STMN4: variants seen among roughly 807,000 people sequenced by gnomAD.
The protein encoded by STMN4 is stathmin-4.
A neutral mutation model predicts 29.1 loss-of-function variants in STMN4; 12 were observed. The observed-to-expected ratio is 0.41, with a 90% CI of 0.26 to 0.67. STMN4 has a LOEUF of 0.67. Ranked by LOEUF, STMN4 falls within the 30% of genes least tolerant of loss-of-function variation. STMN4 has a pLI of 0.30. For synonymous variants in STMN4, 114 were observed against 105.3 expected, an observed-to-expected ratio of 1.08 and a Z score of -0.51; for missense variants, 181 against 262.8, an observed-to-expected ratio of 0.69 and a Z score of 2.15.
At chr8:27,253,706 T>A (rs1160523868) in intron 1 of STMN4, among the ~76,000 whole-genome samples, 1 of 152,092 alleles carries the variant, frequency 6.6e-6, no homozygotes, top group African/African-American at 2.4e-5. Context: ...TACCATTTTT[T>A]TTTGTATTTG....
chr8:27,237,640 G>C (rs1398163458), intron 6 of STMN4, among the ~76,000 whole-genome samples: 1 of 152,258 alleles, frequency 6.6e-6, no homozygotes, highest in East Asian at 1.9e-4. Context: ...CCTATTATAA[G>C]AGAACCTTCT....
chr8:27,256,568 T>C (rs976435379), intron 1 of STMN4, among the ~76,000 whole-genome samples: 1 of 152,182 alleles, frequency 6.6e-6, no homozygotes, highest in African/African-American at 2.4e-5. Context: ...CACACATATA[T>C]GATTACAGAT....
intron 6 of STMN4, chr8:27,239,400 A>G: frequency 9.2e-7 from 1 of 1,087,082 alleles, no homozygotes; most frequent in East Asian, 2.6e-5. Flanking sequence ...TTCTGCTGAC[A>G]CACAGAACCA....
intron 1 of STMN4, among the ~76,000 whole-genome samples, chr8:27,247,296 G>A (rs566538185): frequency 4.0e-5 from 6 of 150,000 alleles, no homozygotes; most frequent in African/African-American, 1.2e-4. Context: ...ACTTGTGCCT[G>A]TGGGTCCATA....
chr8:27,250,057 T>A (rs1281344671), intron 1 of STMN4, among the ~76,000 whole-genome samples: 4 of 152,182 alleles, frequency 2.6e-5, no homozygotes, highest in Admixed American at 2.0e-4. Context: ...GTGGGGGCAA[T>A]GAATTCTGCC....
At chr8:27,255,486 G>T (rs1262363973) in intron 1 of STMN4, among the ~76,000 whole-genome samples, 2 of 152,184 alleles carry the variant, frequency 1.3e-5, no homozygotes, top group Non-Finnish European at 2.9e-5. Context: ...CTTTGATTAT[G>T]ATCTTGATAC....
At chr8:27,253,869 G>A (rs893380162) in intron 1 of STMN4, among the ~76,000 whole-genome samples, 3 of 151,810 alleles carry the variant, frequency 2.0e-5, no homozygotes, top group Non-Finnish European at 4.4e-5. Context: ...TGCAACCTCC[G>A]CCTCCCGGGT....
intron 1 of STMN4, among the ~76,000 whole-genome samples, chr8:27,249,117 C>T (rs1268572856): frequency 6.6e-6 from 1 of 152,062 alleles, no homozygotes; most frequent in Non-Finnish European, 1.5e-5. Flanking sequence ...CAGAGCCAGC[C>T]GTAAGGAAAC....
chr8:27,245,131 C>A (rs774516235), intron 1 of STMN4, among the ~76,000 whole-genome samples: 1 of 152,330 alleles, frequency 6.6e-6, no homozygotes, highest in East Asian at 1.9e-4. Flanking sequence ...TACCAGCTCT[C>A]GCTAGTCTCT....
At chr8:27,243,620 C>T in intron 2 of STMN4, 91 bp downstream of exon 2, 4 of 1,393,456 alleles carry the variant, frequency 2.9e-6, no homozygotes, top group Non-Finnish European at 4.1e-6. Context: ...TGCTTCCTGC[C>T]AGCTGTGTTC....
intron 1 of STMN4, 60 bp from the exon 2 acceptor site, chr8:27,243,861 G>T: frequency 6.7e-7 from 1 of 1,492,156 alleles, no homozygotes. Flanking sequence ...ATTCTCATAA[G>T]AAAGGTCTTT....
At position 27,241,254 on chromosome 8, in the gene STMN4, C is replaced by T. The variant is rs750158005; in HGVS notation, c.199G>A (p.Val67Met). 1 of 1,614,200 alleles carries T rather than the reference C, an allele frequency of 6.2e-7. No homozygotes were observed. Among genetic ancestry groups the T allele is most frequent in the South Asian group, 1.1e-5 (1 of 91,086 alleles). Reference protein sequence around the residue: ...WRERRAQADTVDLNWCVISDM... With the variant: ...WRERRAQADTMDLNWCVISDM... ...GAAATGACGCACCAATTCAGGTCCA[C>T]CGTGTCTGCTACAGAGGGCAGAGAA... The change falls in exon 5 of 7, where the codon GTG (valine) becomes ATG (methionine). Residue 67 changes from valine (V) to methionine (M), a missense_variant. Transcript: ENST00000350889.
intron 6 of STMN4, chr8:27,239,136 G>T: frequency 7.0e-7 from 1 of 1,433,138 alleles, no homozygotes. Flanking sequence ...CAGACACCTT[G>T]TGAAGAAACC....
chr8:27,243,201 C>CCCTA (rs1275071859), intron 2 of STMN4, among the ~76,000 whole-genome samples: 1 of 152,102 alleles, frequency 6.6e-6, no homozygotes, highest in Non-Finnish European at 1.5e-5. Flanking sequence ...CTTAGCTGAC[C>CCCTA]CCTAGCACAG....
At chr8:27,254,241 G>A (rs1345177229) in intron 1 of STMN4, among the ~76,000 whole-genome samples, 1 of 152,178 alleles carries the variant, frequency 6.6e-6, no homozygotes, top group Non-Finnish European at 1.5e-5. Context: ...TGCATGCTCA[G>A]TGTGAACTTT....
Position 27,241,273 on chromosome 8 carries a change from C to T in STMN4, c.191-11G>A. 1 of 1,614,044 alleles carries T rather than the reference C, an allele frequency of 6.2e-7. No individual in the cohort carries two copies. The highest frequency in any genetic ancestry group is 1.7e-5 in the Admixed American group (1 of 60,020). ...GGTCCACCGTGTCTGCTACAGAGGG[C>T]AGAGAAGGGGCTGCTCACGTCCTGA... is the stretch of plus-strand genomic sequence containing the variant. On this transcript the variant is annotated splice_polypyrimidine_tract_variant and intron_variant, in intron 4 of 6. Coordinates refer to ENST00000350889, the MANE Select transcript of STMN4 (RefSeq NM_030795.4).
intron 1 of STMN4, among the ~76,000 whole-genome samples, chr8:27,248,030 T>C (rs1057405485): frequency 3.3e-5 from 5 of 152,106 alleles, no homozygotes; most frequent in African/African-American, 7.2e-5. Context: ...AATGTGGCAG[T>C]CATTCAGCCA....
intron 6 of STMN4, 190 bp downstream of exon 6, chr8:27,239,781 G>C (rs1247376306): frequency 6.5e-7 from 1 of 1,528,910 alleles, no homozygotes; most frequent in Non-Finnish European, 8.8e-7. Context: ...CCTGAGTCTG[G>C]TTCCTATTTC....
rs1349640525 is a variant in STMN4 at position 27,242,466 on chromosome 8, G to A, written c.40C>T (p.Pro14Ser). The change falls in exon 3 of 7, where the codon CCG becomes TCG. Residue 14 changes from proline to serine, a missense_variant. Coordinates refer to ENST00000350889, the MANE Select transcript of STMN4 (RefSeq NM_030795.4). ...AAYKEKMKEL[P>S]LVSLFCSCFL... ...CAGGAGCAGAACAAGGACACCAGCG[G>A]GAGCTCCTTCATCTTCTCTTTGTAG... The A allele has an allele frequency of 6.2e-7, 1 of 1,614,070 alleles. No homozygotes were observed. Among genetic ancestry groups the A allele is most frequent in the African/African-American group, 1.3e-5 (1 of 74,930 alleles).
Sources: allele counts gnomAD v4.1 joint callset (sites outside exome capture counted in the v4.1 genomes callset), GRCh38; gene constraint gnomAD v4.1.1; transcripts MANE v1.5; gene names NCBI Gene and HGNC (gene_info 2026-07-23, HGNC 2026-07-21).